Variants in CRTC3 observed in about 807,000 individuals in gnomAD.
The protein encoded by CRTC3 is CREB regulated transcription coactivator 3.
CRTC3 carries 26 observed loss-of-function variants against 74.5 expected under a neutral mutation model. That is an observed-to-expected ratio of 0.35 (90% CI 0.26 to 0.48). The LOEUF (loss-of-function observed/expected upper bound fraction) is 0.48, where lower values mean the gene tolerates loss of function less well. Ranked by LOEUF, CRTC3 falls within the 20% of genes least tolerant of loss-of-function variation. The pLI, the probability that CRTC3 is intolerant of heterozygous loss-of-function variation, is 0.99. For synonymous variants in CRTC3, 377 were observed against 325.8 expected (o/e 1.16, Z -1.69); for missense variants, 760 against 787.3 (o/e 0.97, Z 0.41).
At chr15:90,532,517 C>G (rs551343419) in intron 1 of CRTC3, among the ~76,000 whole-genome samples, 1 of 152,312 alleles carries the variant, frequency 6.6e-6, no homozygotes, top group South Asian at 2.1e-4. Flanking sequence ...ATAGGGCAGA[C>G]ATTACTGATC....
chr15:90,578,479 G>A (rs533026366), intron 2 of CRTC3, among the ~76,000 whole-genome samples: 1 of 152,120 alleles, frequency 6.6e-6, no homozygotes, highest in Non-Finnish European at 1.5e-5. Context: ...GCTCGAACCC[G>A]GGAGACAGAG....
chr15:90,564,465 C>T (rs1321723234), intron 2 of CRTC3, among the ~76,000 whole-genome samples: 1 of 151,986 alleles, frequency 6.6e-6, no homozygotes, highest in African/African-American at 2.4e-5. Flanking sequence ...GAAGCTAGAC[C>T]CTCCTCTATT....
chr15:90,550,392 A>G (rs966008740), intron 2 of CRTC3, among the ~76,000 whole-genome samples: 1 of 150,064 alleles, frequency 6.7e-6, no homozygotes, highest in Admixed American at 6.6e-5. Context: ...CCTGGGCAAC[A>G]AGAGTGAAAC....
chr15:90,551,081 G>A (rs1250890776), intron 2 of CRTC3, among the ~76,000 whole-genome samples: 2 of 152,140 alleles, frequency 1.3e-5, no homozygotes, highest in East Asian at 3.8e-4. Flanking sequence ...TCTGGACAGT[G>A]TTGGGGTTAC....
At position 90,541,264 on chromosome 15, in the gene CRTC3, G is replaced by C. The variant is rs184567767; in HGVS notation, c.231+1127G>C. 6.4e-4 allele frequency among the ~76,000 whole-genome samples: 97 copies of C among 152,282 alleles called. 1 individual carries two copies. The East Asian group carries it at 0.014, about 23-fold the overall frequency. On this transcript the variant is annotated intron_variant, in intron 2 of 14. Coordinates refer to ENST00000268184, the MANE Select transcript of CRTC3 (RefSeq NM_022769.5). ...TAAACTTTAAGATGAAGCATTAATT[G>C]ATTGTTTGGATGCCTGACCATTTTA... is the stretch of plus-strand genomic sequence containing the variant.
intron 2 of CRTC3, among the ~76,000 whole-genome samples, chr15:90,566,138 A>G (rs1340614069): frequency 6.6e-6 from 1 of 152,234 alleles, no homozygotes; most frequent in African/African-American, 2.4e-5. Flanking sequence ...CCCTTAAGCC[A>G]AAGGCTAATC....
chr15:90,620,489 C>T (rs7162661), intron 9 of CRTC3, among the ~76,000 whole-genome samples: 2 of 152,062 alleles, frequency 1.3e-5, no homozygotes, highest in Non-Finnish European at 2.9e-5. Context: ...GAAGTTGAGT[C>T]TAAGAGAGAA....
chr15:90,565,006 G>A (rs1359905807), intron 2 of CRTC3, among the ~76,000 whole-genome samples: 5 of 151,744 alleles, frequency 3.3e-5, no homozygotes, highest in African/African-American at 4.9e-5. Flanking sequence ...GCAATGATGC[G>A]ATCTTGGCTC....
chr15:90,530,210 GCCCGGGCCGGCGCGGGCGGGGGCGGCCA>G lies in CRTC3; in HGVS notation c.132+9_132+36del. The stretch of plus-strand genomic sequence containing the variant: ...CGACCTCACCCTGTCGCGGGTGAGG[GCCCGGGCCGGCGCGGGCGGGGGCGGCCA>G]CGGCCGCGGGCGGGACCCGCGCGGC... On this transcript the variant is annotated splice_region_variant and intron_variant, in intron 1 of 14. Coordinates refer to ENST00000268184, the MANE Select transcript of CRTC3 (RefSeq NM_022769.5). The surrounding 1 kb of genome is among the most constrained non-coding windows in gnomAD (Gnocchi z 6.2). 1 of 1,167,120 alleles carries G rather than the reference GCCCGGGCCGGCGCGGGCGGGGGCGGCCA, an allele frequency of 8.6e-7. No homozygotes were observed. Among genetic ancestry groups the G allele is most frequent in the Non-Finnish European group, 1.1e-6 (1 of 933,492 alleles). 72.3% of individuals were successfully genotyped at this position (1,167,120 alleles called of 1,614,324 possible). A position where few individuals can be genotyped will look rare whatever the true frequency, so the allele number is the denominator to read the frequency against.
chr15:90,536,584 G>A (rs988829612), intron 1 of CRTC3, among the ~76,000 whole-genome samples: 1 of 152,114 alleles, frequency 6.6e-6, no homozygotes, highest in Non-Finnish European at 1.5e-5. Flanking sequence ...AGGACCCGCT[G>A]GGATTTTGGA....
chr15:90,623,694 C>A (rs1968729202), intron 9 of CRTC3, among the ~76,000 whole-genome samples: 1 of 152,166 alleles, frequency 6.6e-6, no homozygotes, highest in Non-Finnish European at 1.5e-5. Flanking sequence ...AAAGCTGATA[C>A]CTCTCCCCCA....
intron 9 of CRTC3, among the ~76,000 whole-genome samples, chr15:90,623,883 TCA>T (rs1169908949): frequency 6.6e-6 from 1 of 152,176 alleles, no homozygotes; most frequent in African/African-American, 2.4e-5. Context: ...CCATGTGGTC[TCA>T]CACCTCCCTG....
intron 1 of CRTC3, among the ~76,000 whole-genome samples, chr15:90,532,993 G>A (rs1966652437): frequency 6.8e-6 from 1 of 147,256 alleles, no homozygotes; most frequent in Non-Finnish European, 1.5e-5. Context: ...GCTGAGGCAG[G>A]AGAATCGCTC....
intron 6 of CRTC3, among the ~76,000 whole-genome samples, chr15:90,611,178 G>A (rs1968347701): frequency 6.6e-6 from 1 of 152,164 alleles, no homozygotes; most frequent in South Asian, 2.1e-4. Context: ...TGGGGAGGCT[G>A]AAACACCAGA....
chr15:90,559,827 G>C (rs1966973608), intron 2 of CRTC3, among the ~76,000 whole-genome samples: 1 of 152,202 alleles, frequency 6.6e-6, no homozygotes, highest in African/African-American at 2.4e-5. Flanking sequence ...GTTTTTGGTA[G>C]AGATGGGGTT....
At chr15:90,563,584 G>C (rs1340108517) in intron 2 of CRTC3, among the ~76,000 whole-genome samples, 1 of 152,180 alleles carries the variant, frequency 6.6e-6, no homozygotes, top group Non-Finnish European at 1.5e-5. Flanking sequence ...ACTTGGCACA[G>C]ACATCTTTCT....
intron 2 of CRTC3, among the ~76,000 whole-genome samples, chr15:90,555,924 T>C (rs10775250): frequency 0.66 from 101,054 of 152,060 alleles, 35,229 homozygotes; most frequent in Non-Finnish European, 0.77. Context: ...ATAAAAGTAA[T>C]ATGTGCTCAT....
intron 2 of CRTC3, among the ~76,000 whole-genome samples, chr15:90,587,417 C>T (rs7175054): frequency 0.084 from 12,785 of 152,194 alleles, 609 homozygotes; most frequent in Middle Eastern, 0.15. Context: ...CTCCCCTCCC[C>T]GGTCTATCTA....
At position 90,556,987 on chromosome 15, in the gene CRTC3, T is replaced by TATAC. The variant is rs529169954; in HGVS notation, c.231+16853_231+16854insCATA. Among the ~76,000 whole-genome samples, 593 of 144,398 alleles carry TATAC rather than the reference T, an allele frequency of 4.1e-3. 4 individuals are homozygous for TATAC. Among genetic ancestry groups the TATAC allele is most frequent in the South Asian group, 7.0e-3 (31 of 4,426 alleles). 94.7% of individuals were successfully genotyped at this position (144,398 alleles called of 152,430 possible). On this transcript the variant is annotated intron_variant, in intron 2 of 14. Coordinates refer to ENST00000268184, the MANE Select transcript of CRTC3 (RefSeq NM_022769.5). ...ATATATATATATATATATATATATA[T>TATAC]ATATATATATATCTTTATAATACAA... is the stretch of plus-strand genomic sequence containing the variant.
Sources: gnomAD v4.1 joint callset for allele counts (sites outside exome capture counted in the v4.1 genomes callset) on GRCh38, gnomAD v4.1.1 for gene constraint, Gnocchi (gnomAD v3.1) non-coding constraint, MANE v1.5 for transcripts, NCBI Gene and HGNC (gene_info 2026-07-23, HGNC 2026-07-21) for gene names.